The following SAAL1 variants were observed in gnomAD, a reference collection of about 807,000 sequenced individuals.
SAAL1 encodes protein SAAL1.
Under a neutral mutation model 59.8 loss-of-function variants are expected in SAAL1, and 42 were observed. The ratio of observed to expected loss-of-function variants is 0.70; its 90% CI spans 0.55 to 0.91. SAAL1 has a LOEUF of 0.91. Among genes scored for constraint, SAAL1 ranks in the 40% least tolerant of loss-of-function variants. The probability of loss-of-function intolerance (pLI) is 0.00; values close to 1 mark genes in which losing one functional copy is unlikely to be tolerated. For missense variants in SAAL1, 542 were observed against 561.1 expected, an observed-to-expected ratio of 0.97 and a Z score of 0.34; for synonymous variants, 191 against 194.3, an observed-to-expected ratio of 0.98 and a Z score of 0.14.
At chr11:18,090,361 A>T (rs971290249) in intron 5 of SAAL1, 71 bp from the exon 6 acceptor site, 1 of 1,566,500 alleles carries the variant, frequency 6.4e-7, no homozygotes, top group Non-Finnish European at 8.6e-7. Context: ...AAATTCGAAA[A>T]TAAAAAATTA....
intron 3 of SAAL1, among the ~76,000 whole-genome samples, chr11:18,093,345 G>C (rs1292961577): frequency 6.6e-6 from 1 of 152,138 alleles, no homozygotes; most frequent in Non-Finnish European, 1.5e-5. Context: ...GGTTGCTTAG[G>C]ATCTCTAAGA....
intron 10 of SAAL1, chr11:18,081,760 C>T: frequency 2.5e-6 from 1 of 401,494 alleles, no homozygotes; most frequent in Admixed American, 3.9e-5. Context: ...ACTTTTCCTT[C>T]TCCCCTCCTG....
intron 7 of SAAL1, 107 bp from the exon 8 acceptor site, chr11:18,087,332 G>T (rs1052627209): frequency 4.0e-5 from 28 of 693,234 alleles, no homozygotes; most frequent in Admixed American, 1.3e-4. Context: ...CACTGTTCAA[G>T]GTGCTGAGGA....
chr11:18,104,963 G>A (rs559948253), intron 1 of SAAL1, among the ~76,000 whole-genome samples: 1 of 152,114 alleles, frequency 6.6e-6, no homozygotes, highest in African/African-American at 2.4e-5. Context: ...AACCAATTAG[G>A]GAAACATGGG....
chr11:18,084,135 G>A (rs949936763), intron 9 of SAAL1, among the ~76,000 whole-genome samples: 1 of 152,272 alleles, frequency 6.6e-6, no homozygotes. Flanking sequence ...CCAGGAGTTC[G>A]AGACCAGCCT....
intron 2 of SAAL1, among the ~76,000 whole-genome samples, chr11:18,097,210 C>G (rs554611232): frequency 6.6e-6 from 1 of 151,846 alleles, no homozygotes; most frequent in Non-Finnish European, 1.5e-5. Context: ...GCACTCCAGC[C>G]TGGGTGACAG....
chr11:18,083,764 C>T (rs746624114), intron 9 of SAAL1, 33 bp from the exon 10 acceptor site: 5 of 1,467,708 alleles, frequency 3.4e-6, no homozygotes, highest in Non-Finnish European at 3.7e-6. Context: ...ATGGAATTGG[C>T]CAGTTAAGTT....
chr11:18,092,178 T>C (rs1848529673), intron 4 of SAAL1, 67 bp downstream of exon 4: 6 of 786,450 alleles, frequency 7.6e-6, no homozygotes, highest in Non-Finnish European at 1.2e-5. Context: ...ACTTTTCCTA[T>C]GTATTAGAAT....
rs889904752 is a variant in SAAL1 at position 18,085,279 on chromosome 11, A to G, written c.1043-1548T>C. Among the ~76,000 whole-genome samples the G allele has an allele frequency of 3.3e-5, 5 of 152,228 alleles. No homozygotes were observed. The East Asian group carries it at 7.7e-4, about 23-fold the overall frequency. On this transcript the variant is annotated intron_variant, in intron 9 of 11. Transcript: ENST00000524803. ...GCCAAAGCACTATCAGATAAAGCCC[A>G]AAGATTATTACTGGAACGACTACTA...
chr11:18,085,189 G>A (rs1202827872), intron 9 of SAAL1, among the ~76,000 whole-genome samples: 1 of 152,128 alleles, frequency 6.6e-6, no homozygotes, highest in African/African-American at 2.4e-5. Context: ...AGAGACTCTA[G>A]GCAACCCAGA....
chr11:18,085,861 C>G (rs952719258), intron 9 of SAAL1, among the ~76,000 whole-genome samples: 1 of 152,130 alleles, frequency 6.6e-6, no homozygotes, highest in African/African-American at 2.4e-5. Flanking sequence ...ACTGATACCA[C>G]TAGAACCAAA....
chr11:18,104,888 AAAG>A (rs749650097), intron 1 of SAAL1, among the ~76,000 whole-genome samples: 5 of 152,270 alleles, frequency 3.3e-5, no homozygotes, highest in African/African-American at 9.6e-5. Flanking sequence ...CCCTGTCTTT[AAAG>A]AAGATTATTC....
intron 1 of SAAL1, among the ~76,000 whole-genome samples, chr11:18,103,771 A>G (rs909108225): frequency 1.3e-5 from 2 of 152,220 alleles, no homozygotes; most frequent in African/African-American, 4.8e-5. Flanking sequence ...TAAAACAAAA[A>G]TCTGTAAAGA....
At chr11:18,092,569 T>C (rs1387318884) in intron 3 of SAAL1, among the ~76,000 whole-genome samples, 2 of 152,128 alleles carry the variant, frequency 1.3e-5, no homozygotes, top group Admixed American at 6.5e-5. Context: ...CTTCTATCGA[T>C]AAAATGAGTT....
intron 7 of SAAL1, among the ~76,000 whole-genome samples, chr11:18,088,609 G>C (rs1848491208): frequency 6.6e-6 from 1 of 152,168 alleles, no homozygotes; most frequent in Non-Finnish European, 1.5e-5. Context: ...AATAAGGGTT[G>C]GGAGTTGACT....
chr11:18,093,338 T>G (rs1327752973), intron 3 of SAAL1, among the ~76,000 whole-genome samples: 2 of 152,178 alleles, frequency 1.3e-5, no homozygotes, highest in Non-Finnish European at 2.9e-5. Flanking sequence ...ATGCTGAGGT[T>G]GCTTAGGATC....
intron 1 of SAAL1, among the ~76,000 whole-genome samples, chr11:18,103,841 C>G (rs1848661054): frequency 6.6e-6 from 1 of 152,136 alleles, no homozygotes; most frequent in Non-Finnish European, 1.5e-5. Flanking sequence ...CTCAGTAAGC[C>G]TGCCTTATTT....
rs762822191 is a variant in SAAL1 at position 18,087,185 on chromosome 11, A to C, written c.811T>G (p.Leu271Val). Residue 271 changes from leucine to valine, a missense_variant, in exon 8 of 12, where the codon TTA (leucine) becomes GTA (valine). Leu to Val is a conservative substitution (Grantham distance 32). Transcript: ENST00000524803. ...TCATCCACTGTAGTAAGCAGTTGTA[A>C]AATGTGCATGTAAACATCAAGCCAT... ...PEWLDVYMHI[L>V]QLLTTVDDGI... 6.2e-7 allele frequency: 1 copy of C among 1,613,734 alleles called. No individual in the cohort carries two copies. The highest frequency in any genetic ancestry group is 8.5e-7 in the Non-Finnish European group (1 of 1,179,610).
intron 7 of SAAL1, 139 bp downstream of exon 7, chr11:18,089,191 T>G: frequency 1.5e-6 from 1 of 665,404 alleles, no homozygotes; most frequent in Non-Finnish European, 2.3e-6. Context: ...GCATCACAAA[T>G]AGTAGTAGTG....
Sources: allele counts gnomAD v4.1 joint callset (sites outside exome capture counted in the v4.1 genomes callset), GRCh38; gene constraint gnomAD v4.1.1; transcripts MANE v1.5; gene names NCBI Gene and HGNC (gene_info 2026-07-23, HGNC 2026-07-21).